The following PTCHD4 variants were observed in gnomAD, a reference collection of about 807,000 sequenced individuals.
PTCHD4 encodes patched domain-containing protein 4.
A neutral mutation model predicts 58.1 loss-of-function variants in PTCHD4; 33 were observed. The observed-to-expected ratio is 0.57, with a 90% CI of 0.43 to 0.76. The LOEUF (loss-of-function observed/expected upper bound fraction) is 0.76. Ranked by LOEUF, PTCHD4 falls within the 30% of genes least tolerant of loss-of-function variation. The probability of loss-of-function intolerance (pLI) is 0.00; values close to 1 mark genes in which losing one functional copy is unlikely to be tolerated. For synonymous variants in PTCHD4, 478 were observed against 409.6 expected, an observed-to-expected ratio of 1.17 and a Z score of -2.02; for missense variants, 1,058 against 1,027.1, an observed-to-expected ratio of 1.03 and a Z score of -0.41.
rs553551656 is a variant in PTCHD4 at position 47,933,810 on chromosome 6, A to T, written c.899-53874T>A. ...GGACAGCTTCTTTCTTCTCTGTTTT[A>T]AACAATAACTGAATTTACCTGATTA... is the stretch of plus-strand genomic sequence containing the variant. On this transcript the variant is annotated intron_variant, in intron 4 of 4. Coordinates refer to ENST00000339488, the MANE Select transcript of PTCHD4 (RefSeq NM_001384253.1). 2.2e-4 allele frequency among the ~76,000 whole-genome samples: 33 copies of T among 152,326 alleles called. 1 individual carries two copies. In the South Asian group the frequency reaches 6.4e-3, roughly 30 times the overall value.
chr6:48,026,793 T>A (rs533045711), intron 3 of PTCHD4, among the ~76,000 whole-genome samples: 1 of 152,204 alleles, frequency 6.6e-6, no homozygotes, highest in Admixed American at 6.6e-5. Context: ...ACCCTCAGCC[T>A]AAAAGATAGT....
chr6:48,087,312 ACT>A (rs1370424384), intron 1 of PTCHD4, among the ~76,000 whole-genome samples: 1 of 151,790 alleles, frequency 6.6e-6, no homozygotes, highest in African/African-American at 2.4e-5. Context: ...CAGCTCCAAC[ACT>A]CTGAGTCTTA....
intron 3 of PTCHD4, among the ~76,000 whole-genome samples, chr6:48,028,251 T>C (rs934974883): frequency 6.8e-6 from 1 of 146,168 alleles, no homozygotes; most frequent in African/African-American, 2.4e-5. Context: ...CCTAGGATGT[T>C]TCTCTTTTGT....
At chr6:48,064,310 G>A (rs796228925) in intron 3 of PTCHD4, among the ~76,000 whole-genome samples, 4 of 152,086 alleles carry the variant, frequency 2.6e-5, no homozygotes, top group African/African-American at 9.7e-5. Context: ...CTAGCCAGGT[G>A]GAGAAGTGAG....
At position 47,902,028 on chromosome 6, in the gene PTCHD4, G is replaced by T. The variant is rs77814084; in HGVS notation, c.899-22092C>A. On this transcript the variant is annotated intron_variant, in intron 4 of 4. Coordinates refer to ENST00000339488, the MANE Select transcript of PTCHD4 (RefSeq NM_001384253.1). ...CACTTAGTATAGTAAAAACACTGGG[G>T]AACTGAAGAGTTATCACCATCATCA... 6.1e-4 allele frequency: 444 copies of T among 729,172 alleles called. 2 individuals carry two copies. The East Asian group carries it at 0.02, about 33-fold the overall frequency. The allele number at this position is 729,172 out of a possible 1,614,324, so 45.2% of individuals were successfully genotyped here.
Position 47,870,691 on chromosome 6 carries a change from T to C in PTCHD4, c.*7612A>G, listed in dbSNP as rs1242963764. Reference sequence around the variant, plus strand: ...CTAAAATGGCTACACAGCAGTCTTCTATTTCACAGGAGATATTTTTGGATG... The same window carrying C: ...CTAAAATGGCTACACAGCAGTCTTCCATTTCACAGGAGATATTTTTGGATG... On this transcript the variant is annotated 3_prime_UTR_variant, in exon 5 of 5. Transcript: ENST00000339488. Among the ~76,000 whole-genome samples the C allele has an allele frequency of 6.6e-6, 1 of 151,666 alleles. No homozygotes were observed. The highest frequency in any genetic ancestry group is 2.4e-5 in the African/African-American group (1 of 41,402).
rs1303301064 is a variant in PTCHD4 at position 47,872,879 on chromosome 6, C to T, written c.*5424G>A. ...TATATTGCTCTTTTGAGTTGTTTTCCGTTTTATAAGAAAAGCAAGTGGCTT... is the reference window on the plus strand; with the variant it reads ...TATATTGCTCTTTTGAGTTGTTTTCTGTTTTATAAGAAAAGCAAGTGGCTT... On this transcript the variant is annotated 3_prime_UTR_variant, in exon 5 of 5. Transcript: ENST00000339488. 1.3e-5 allele frequency among the ~76,000 whole-genome samples: 2 copies of T among 151,202 alleles called. No homozygotes were observed. Among genetic ancestry groups the T allele is most frequent in the Non-Finnish European group, 3.0e-5 (2 of 67,652 alleles).
intron 4 of PTCHD4, among the ~76,000 whole-genome samples, chr6:47,885,853 CTT>C (rs1235711824): frequency 6.6e-6 from 1 of 152,188 alleles, no homozygotes; most frequent in Non-Finnish European, 1.5e-5. Flanking sequence ...GAGTCTCACT[CTT>C]TCACCCAGGC....
At chr6:47,980,608 C>A (rs575859819) in intron 4 of PTCHD4, among the ~76,000 whole-genome samples, 12 of 151,990 alleles carry the variant, frequency 7.9e-5, no homozygotes, top group Non-Finnish European at 1.5e-4. Context: ...TTATCACATC[C>A]TTTTCTTTAA....
intron 3 of PTCHD4, among the ~76,000 whole-genome samples, chr6:48,013,043 G>T (rs1019079144): frequency 6.6e-6 from 1 of 151,952 alleles, no homozygotes; most frequent in Non-Finnish European, 1.5e-5. Flanking sequence ...CCCTTTTTTG[G>T]CTGGGTCTCT....
chr6:48,040,086 TAA>T (rs1479830944), intron 3 of PTCHD4, among the ~76,000 whole-genome samples: 2 of 152,056 alleles, frequency 1.3e-5, no homozygotes, highest in Non-Finnish European at 2.9e-5. Flanking sequence ...GGGCAACCTT[TAA>T]GGTCATTCCC....
chr6:48,036,021 T>C (rs1211599482), intron 3 of PTCHD4, among the ~76,000 whole-genome samples: 1 of 152,072 alleles, frequency 6.6e-6, no homozygotes, highest in Non-Finnish European at 1.5e-5. Flanking sequence ...TGTCATTGAA[T>C]AACATTTTTT....
At position 47,873,142 on chromosome 6, in the gene PTCHD4, C is replaced by T. The variant is rs1325887102; in HGVS notation, c.*5161G>A. Among the ~76,000 whole-genome samples, 2 of 151,670 alleles carry T rather than the reference C, an allele frequency of 1.3e-5. No individual in the cohort carries two copies. The highest frequency in any genetic ancestry group is 4.8e-5 in the African/African-American group (2 of 41,372). ...CTTGGAAATTCAGGAGCACCTCCCA[C>T]TGCAAAGATTAGGTTATGAATCTAA... On this transcript the variant is annotated 3_prime_UTR_variant, in exon 5 of 5. Coordinates refer to ENST00000339488, the MANE Select transcript of PTCHD4 (RefSeq NM_001384253.1).
chr6:48,019,402 G>A (rs1762977119), intron 3 of PTCHD4, among the ~76,000 whole-genome samples: 1 of 152,110 alleles, frequency 6.6e-6, no homozygotes, highest in Non-Finnish European at 1.5e-5. Context: ...CTATGGTGTG[G>A]GGTCAGGGAA....
At chr6:47,949,694 G>A (rs1766560330) in intron 4 of PTCHD4, among the ~76,000 whole-genome samples, 1 of 151,494 alleles carries the variant, frequency 6.6e-6, no homozygotes, top group Non-Finnish European at 1.5e-5. Flanking sequence ...TCCTTTCTTT[G>A]ATCCTTCAGA....
At position 47,858,606 on chromosome 6, in the gene PTCHD4, A is replaced by C. The variant is rs1763351201; in HGVS notation, c.*19697T>G. On this transcript the variant is annotated 3_prime_UTR_variant, in exon 5 of 5. Transcript: ENST00000339488. ...ACATAAATTATCAATTATTTTGGAG[A>C]GATTCTAATAAGGATAAACTAAGGC... 6.6e-6 allele frequency among the ~76,000 whole-genome samples: 1 copy of C among 152,032 alleles called. No individual in the cohort carries two copies. Among genetic ancestry groups the C allele is most frequent in the African/African-American group, 2.4e-5 (1 of 41,438 alleles).
chr6:48,045,507 G>A (rs1351377573), intron 3 of PTCHD4, among the ~76,000 whole-genome samples: 1 of 151,678 alleles, frequency 6.6e-6, no homozygotes, highest in Non-Finnish European at 1.5e-5. Context: ...AGACCTCTAT[G>A]GTTTTGTTGA....
chr6:48,094,297 C>T lies in PTCHD4; in HGVS notation c.-970+16752G>A, dbSNP rs564161462. 5.9e-5 allele frequency among the ~76,000 whole-genome samples: 9 copies of T among 152,062 alleles called. No homozygotes were observed. In the East Asian group the frequency reaches 7.7e-4, roughly 13 times the overall value. On this transcript the variant is annotated intron_variant, in intron 1 of 4. Transcript: ENST00000339488. ...AGGACTAATTTGTGAAGAAATAATGCGAGGAAATGAAGATATGAATCACGA... is the reference window on the plus strand; with the variant it reads ...AGGACTAATTTGTGAAGAAATAATGTGAGGAAATGAAGATATGAATCACGA...
rs375906679 is a variant in PTCHD4, at chr6:47,859,825, A to T, written c.*18478T>A. ...AACCAAAAAGATGTGAGGGAGGAAG[A>T]TCTGTGGCTAACTGGGGGAAGAAGA... On this transcript the variant is annotated 3_prime_UTR_variant, in exon 5 of 5. Transcript: ENST00000339488. Among the ~76,000 whole-genome samples, 18 of 152,104 alleles carry T rather than the reference A, an allele frequency of 1.2e-4. No homozygotes were observed. Among genetic ancestry groups the T allele is most frequent in the African/African-American group, 3.4e-4 (14 of 41,544 alleles).
Sources: gnomAD v4.1 joint callset for allele counts (sites outside exome capture counted in the v4.1 genomes callset) on GRCh38, gnomAD v4.1.1 for gene constraint, MANE v1.5 for transcripts, NCBI Gene and HGNC (gene_info 2026-07-23, HGNC 2026-07-21) for gene names.